The following INPP5A variants were observed in gnomAD, a reference collection of about 807,000 sequenced individuals.
INPP5A encodes the protein inositol polyphosphate-5-phosphatase A, also known as 43 kDa inositol polyphosphate 5-phophatase.
Under a neutral mutation model 65.2 loss-of-function variants are expected in INPP5A, and 14 were observed. The ratio of observed to expected loss-of-function variants is 0.21; its 90% CI spans 0.14 to 0.34. The LOEUF (loss-of-function observed/expected upper bound fraction) is 0.34. Ranked by LOEUF, INPP5A falls within the 10% of genes least tolerant of loss-of-function variation. The pLI, the probability that INPP5A is intolerant of heterozygous loss-of-function variation, is 1.00. For missense variants in INPP5A, 431 were observed against 545.6 expected, an observed-to-expected ratio of 0.79 and a Z score of 2.09; for synonymous variants, 207 against 208.3, an observed-to-expected ratio of 0.99 and a Z score of 0.05.
intron 9 of INPP5A, among the ~76,000 whole-genome samples, chr10:132,742,726 CG>C (rs1477578929): frequency 6.6e-6 from 1 of 152,200 alleles, no homozygotes; most frequent in Non-Finnish European, 1.5e-5. Flanking sequence ...GCTTCCTTCC[CG>C]GGGTCTGGAA....
chr10:132,748,195 C>T (rs959121545), intron 9 of INPP5A, among the ~76,000 whole-genome samples: 9 of 152,306 alleles, frequency 5.9e-5, no homozygotes, highest in South Asian at 2.1e-4. Context: ...TCCCGGCCCC[C>T]GCAGTCTCCT....
At chr10:132,660,070 CGTCT>C (rs1317630211) in intron 4 of INPP5A, among the ~76,000 whole-genome samples, 1 of 152,224 alleles carries the variant, frequency 6.6e-6, no homozygotes, top group Admixed American at 6.5e-5. Flanking sequence ...CACGTTCTGA[CGTCT>C]GCCAATGCGT....
At chr10:132,673,285 C>T (rs138396068) in intron 4 of INPP5A, among the ~76,000 whole-genome samples, 207 of 152,290 alleles carry the variant, frequency 1.4e-3, no homozygotes, top group East Asian at 4.1e-3. Flanking sequence ...GCCAGCAGAA[C>T]GTAATGTTGC....
intron 12 of INPP5A, among the ~76,000 whole-genome samples, chr10:132,772,450 A>C (rs113782644): frequency 1.5e-3 from 167 of 114,428 alleles, no homozygotes; most frequent in Non-Finnish European, 2.3e-3. Context: ...CACAGAGGCC[A>C]CGGCAGCCAC....
At chr10:132,646,407 C>A (rs1055112152) in intron 3 of INPP5A, among the ~76,000 whole-genome samples, 1 of 152,168 alleles carries the variant, frequency 6.6e-6, no homozygotes, top group Non-Finnish European at 1.5e-5. Flanking sequence ...CACGTGTATT[C>A]CCACTGTACA....
At chr10:132,702,108 C>T (rs140139004) in intron 6 of INPP5A, among the ~76,000 whole-genome samples, 5 of 152,222 alleles carry the variant, frequency 3.3e-5, no homozygotes, top group African/African-American at 9.7e-5. Context: ...TAAAATCCCT[C>T]GAAACATAGT....
In INPP5A at chr10:132,698,580, G is replaced by A. The variant is rs11146468; in HGVS notation, c.474+661G>A. On this transcript the variant is annotated intron_variant, in intron 6 of 15. Coordinates refer to ENST00000368594, the MANE Select transcript of INPP5A (RefSeq NM_005539.5). This position sits in a 1 kb window ranked among gnomAD's most constrained non-coding sequence, Gnocchi z 5.5. ...GGTAAACCTCACACGCGGCATTGTC[G>A]GCGTCTCCCTGGCTGTGTAGTTAAC... Among the ~76,000 whole-genome samples, 2,744 of 152,294 alleles carry A rather than the reference G, an allele frequency of 0.018. 80 individuals are homozygous for A. Among genetic ancestry groups the A allele is most frequent in the African/African-American group, 0.061 (2,536 of 41,540 alleles).
chr10:132,652,307 A>T (rs894003016), intron 4 of INPP5A, among the ~76,000 whole-genome samples: 9 of 152,254 alleles, frequency 5.9e-5, no homozygotes, highest in African/African-American at 2.2e-4. Flanking sequence ...AAGGACTGAA[A>T]AGTGGATAGA....
chr10:132,721,207 C>T (rs184983930), intron 8 of INPP5A, among the ~76,000 whole-genome samples: 178 of 148,632 alleles, frequency 1.2e-3, no homozygotes, highest in African/African-American at 4.1e-3. Flanking sequence ...TTTCTGGGGG[C>T]GCCTTAGACT....
chr10:132,749,545 C>T lies in INPP5A; in HGVS notation c.761C>T (p.Thr254Met), dbSNP rs1418072988. The change falls in exon 10 of 16, where the codon ACG (threonine) becomes ATG (methionine). Residue 254 changes from threonine (T) to methionine (M), a missense_variant. Transcript: ENST00000368594. ...ETLCTKATMQ[T>M]VRAADTNEVV... is the part of the protein sequence containing the mutation. ...CTCTGCACAAAAGCCACCATGCAGACGGTCCGGGCCGCCGACACCAATGAA... is the reference window on the plus strand; with the variant it reads ...CTCTGCACAAAAGCCACCATGCAGATGGTCCGGGCCGCCGACACCAATGAA... 1.6e-5 allele frequency: 25 copies of T among 1,612,870 alleles called. No homozygotes were observed. The highest frequency in any genetic ancestry group is 3.3e-4 in the Middle Eastern group (2 of 6,084).
chr10:132,640,154 G>A (rs185779971), intron 2 of INPP5A, among the ~76,000 whole-genome samples: 103 of 152,316 alleles, frequency 6.8e-4, no homozygotes, highest in African/African-American at 2.2e-3. Context: ...TGGATGCTGC[G>A]TTGTATAGAC....
rs543423370 is a variant in INPP5A, at chr10:132,575,152, T to C, written c.76-32763T>C. Among the ~76,000 whole-genome samples, 1 of 152,318 alleles carries C rather than the reference T, an allele frequency of 6.6e-6. No individual in the cohort carries two copies. Among genetic ancestry groups the C allele is most frequent in the African/African-American group, 2.4e-5 (1 of 41,564 alleles). On this transcript the variant is annotated intron_variant, in intron 1 of 15. Coordinates refer to ENST00000368594, the MANE Select transcript of INPP5A (RefSeq NM_005539.5). The surrounding 1 kb of genome is among the most constrained non-coding windows in gnomAD (Gnocchi z 5.4). ...AGGCTCCCTGTCCAGCCGCTGGGAC[T>C]CTGTTGAATGCTGCATTCTTCCTCC... is the stretch of plus-strand genomic sequence containing the variant.
At chr10:132,775,563 A>T (rs1847050712) in intron 12 of INPP5A, among the ~76,000 whole-genome samples, 2 of 152,166 alleles carry the variant, frequency 1.3e-5, no homozygotes, top group South Asian at 4.1e-4. Flanking sequence ...GGCCACAGGG[A>T]GCACCCCTGG....
chr10:132,565,197 CCTT>C (rs1427038136), intron 1 of INPP5A, among the ~76,000 whole-genome samples: 4 of 152,130 alleles, frequency 2.6e-5, no homozygotes, highest in African/African-American at 9.7e-5. Flanking sequence ...GCAGCCTTGA[CCTT>C]CTGGGCACAA....
rs375074940 is a variant in INPP5A at position 132,758,255 on chromosome 10, G to A, written c.904-7518G>A. ...GGTCCCTGGCTGACCCCACAGCCCG[G>A]CACCATGGCGTGGGTCCCCGGCCGA... On this transcript the variant is annotated intron_variant, in intron 11 of 15. Transcript: ENST00000368594. Among the ~76,000 whole-genome samples the A allele has an allele frequency of 9.3e-4, 118 of 127,478 alleles. 4 individuals are homozygous for A. The highest frequency in any genetic ancestry group is 2.8e-3 in the African/African-American group (101 of 36,400). 83.6% of individuals were successfully genotyped at this position (127,478 alleles called of 152,430 possible).
At chr10:132,749,696 C>G (rs41302997) in intron 10 of INPP5A, 75 bp from the exon 11 acceptor site, 2 of 1,597,010 alleles carry the variant, frequency 1.3e-6, no homozygotes, top group South Asian at 2.2e-5. Context: ...CCTGCCTGCC[C>G]GGTTCGGTGG....
At position 132,697,778 on chromosome 10, in the gene INPP5A, T is replaced by C; in HGVS notation, c.371-38T>C. The C allele has an allele frequency of 7.1e-7, 1 of 1,407,238 alleles. No homozygotes were observed. Among genetic ancestry groups the C allele is most frequent in the South Asian group, 1.2e-5 (1 of 85,016 alleles). The allele number at this position is 1,407,238 out of a possible 1,614,324, so 87.2% of individuals were successfully genotyped here. A position where few individuals can be genotyped will look rare whatever the true frequency, so the allele number is the denominator to read the frequency against. On this transcript the variant is annotated intron_variant, in intron 5 of 15. Coordinates refer to ENST00000368594, the MANE Select transcript of INPP5A (RefSeq NM_005539.5). The surrounding 1 kb of genome is among the most constrained non-coding windows in gnomAD (Gnocchi z 5.6). ...TCCAGGCTGGTTGGATGGGGCACAG[T>C]GATGGGATAGTCACCTCGTCCTTCT...
At position 132,663,675 on chromosome 10, in the gene INPP5A, A is replaced by G. The variant is rs528266577; in HGVS notation, c.306+13170A>G. On this transcript the variant is annotated intron_variant, in intron 4 of 15. Transcript: ENST00000368594. The surrounding 1 kb of genome is among the most constrained non-coding windows in gnomAD (Gnocchi z 4.5). Reference sequence around the variant, plus strand: ...TAGCTTCTGGCTGGGGTTGGTTTGCAGTGGAGTCTGTGCCTGTGGCAGCCG... The same window carrying G: ...TAGCTTCTGGCTGGGGTTGGTTTGCGGTGGAGTCTGTGCCTGTGGCAGCCG... Among the ~76,000 whole-genome samples the G allele has an allele frequency of 6.6e-6, 1 of 152,188 alleles. No homozygotes were observed. The highest frequency in any genetic ancestry group is 2.1e-4 in the South Asian group (1 of 4,834).
At chr10:132,744,375 C>T (rs759177928) in intron 9 of INPP5A, among the ~76,000 whole-genome samples, 28 of 152,136 alleles carry the variant, frequency 1.8e-4, no homozygotes, top group South Asian at 2.1e-4. Context: ...CCGCTGTCAC[C>T]GAGGCAATGG....
Sources: allele counts gnomAD v4.1 joint callset (sites outside exome capture counted in the v4.1 genomes callset), GRCh38; gene constraint gnomAD v4.1.1; non-coding constraint Gnocchi (gnomAD v3.1); transcripts MANE v1.5; gene names NCBI Gene and HGNC (gene_info 2026-07-23, HGNC 2026-07-21).